Variants in PPP4R3A observed in about 807,000 individuals in gnomAD.
PPP4R3A encodes the protein protein phosphatase 4 regulatory subunit 3A, also known as serine/threonine-protein phosphatase 4 regulatory subunit 3A.
Under a neutral mutation model 91.7 loss-of-function variants are expected in PPP4R3A, and 15 were observed. The ratio of observed to expected loss-of-function variants is 0.16; its 90% CI spans 0.11 to 0.25. The LOEUF is 0.25. PPP4R3A is among the 10% of genes least tolerant of loss of function. The pLI is 1.00. For missense variants in PPP4R3A, 623 were observed against 998.4 expected (o/e 0.62, Z 5.07); for synonymous variants, 377 against 348.7 (o/e 1.08, Z -0.91).
chr14:91,464,983 G>A (rs1345747701), intron 11 of PPP4R3A, among the ~76,000 whole-genome samples: 1 of 152,188 alleles, frequency 6.6e-6, no homozygotes, highest in East Asian at 1.9e-4. Context: ...CTGCTTGCCA[G>A]CAGCTTACCT....
At position 91,510,052 on chromosome 14, in the gene PPP4R3A, C is replaced by T; in HGVS notation, c.-405G>A. 4.5e-6 allele frequency: 3 copies of T among 672,580 alleles called. No individual in the cohort carries two copies. Among genetic ancestry groups the T allele is most frequent in the Non-Finnish European group, 5.5e-6 (3 of 541,474 alleles). 41.7% of individuals were successfully genotyped at this position (672,580 alleles called of 1,614,324 possible). Reference sequence around the variant, plus strand: ...CGCCTCCTCAGGCCGCCGCCGCCGCCGCCATATTTTCCTTCCTTATACCTG... The same window carrying T: ...CGCCTCCTCAGGCCGCCGCCGCCGCTGCCATATTTTCCTTCCTTATACCTG... On this transcript the variant is annotated 5_prime_UTR_variant, in exon 1 of 15. Coordinates refer to ENST00000554943, the MANE Select transcript of PPP4R3A (RefSeq NM_001366432.2).
chr14:91,492,006 TA>T (rs1437256972), intron 1 of PPP4R3A, among the ~76,000 whole-genome samples: 1 of 152,196 alleles, frequency 6.6e-6, no homozygotes, highest in East Asian at 1.9e-4. Flanking sequence ...ACCCAGCCAA[TA>T]AATGTTTTAT....
intron 10 of PPP4R3A, among the ~76,000 whole-genome samples, chr14:91,467,773 TAATA>T (rs1201831756): frequency 6.6e-6 from 1 of 152,204 alleles, no homozygotes; most frequent in East Asian, 1.9e-4. Flanking sequence ...TGACAAAGTA[TAATA>T]ATTAAGCAGC....
intron 10 of PPP4R3A, among the ~76,000 whole-genome samples, chr14:91,468,579 G>C (rs1888622156): frequency 7.2e-6 from 1 of 139,440 alleles, no homozygotes; most frequent in African/African-American, 2.7e-5. Context: ...TGAGGCAGGA[G>C]AATTGCTTGA....
chr14:91,466,344 C>G (rs1233808494), intron 10 of PPP4R3A: 1 of 985,614 alleles, frequency 1.0e-6, no homozygotes, highest in Non-Finnish European at 1.2e-6. Flanking sequence ...GGAAGTGGCT[C>G]GTTAAATTGC....
intron 1 of PPP4R3A, among the ~76,000 whole-genome samples, chr14:91,506,975 A>G (rs1891331531): frequency 6.6e-6 from 1 of 152,108 alleles, no homozygotes; most frequent in Admixed American, 6.6e-5. Context: ...TTAACCTCCA[A>G]CCTGCAAAAT....
chr14:91,484,175 A>T (rs890185154), intron 3 of PPP4R3A, among the ~76,000 whole-genome samples: 2 of 152,238 alleles, frequency 1.3e-5, no homozygotes, highest in Non-Finnish European at 2.9e-5. Context: ...TCAGATATAA[A>T]TGTTAGTCCT....
chr14:91,476,712 C>T (rs1389649801), intron 5 of PPP4R3A, among the ~76,000 whole-genome samples, 188 bp from the exon 6 acceptor site: 4 of 152,136 alleles, frequency 2.6e-5, no homozygotes, highest in Non-Finnish European at 5.9e-5. Flanking sequence ...ATTACAGGTG[C>T]CCGCCACCAT....
In PPP4R3A at chr14:91,509,962, C is replaced by A; in HGVS notation, c.-315G>T. 2 of 1,013,120 alleles carry A rather than the reference C, an allele frequency of 2.0e-6. No homozygotes were observed. Among genetic ancestry groups the A allele is most frequent in the Non-Finnish European group, 2.4e-6 (2 of 847,942 alleles). 62.8% of individuals were successfully genotyped at this position (1,013,120 alleles called of 1,614,324 possible). On this transcript the variant is annotated 5_prime_UTR_variant, in exon 1 of 15. Transcript: ENST00000554943. ...GCCCCGCAGCGCTAGGAACTCGGGG[C>A]TCCCGTCACTGCCCTGCTCCCGCCT...
intron 12 of PPP4R3A, 33 bp from the exon 13 acceptor site, chr14:91,462,272 A>G: frequency 6.6e-7 from 1 of 1,505,632 alleles, no homozygotes; most frequent in Non-Finnish European, 8.8e-7. Context: ...AAATACAATC[A>G]TATATGGACT....
At chr14:91,500,859 C>G (rs907115791) in intron 1 of PPP4R3A, among the ~76,000 whole-genome samples, 1 of 152,094 alleles carries the variant, frequency 6.6e-6, no homozygotes, top group Non-Finnish European at 1.5e-5. Flanking sequence ...ATGGCAAACC[C>G]TGTCTCTACA....
chr14:91,509,906 G>C lies in PPP4R3A; in HGVS notation c.-259C>G, dbSNP rs906814061. The C allele has an allele frequency of 4.7e-6, 5 of 1,065,676 alleles. No individual in the cohort carries two copies. The highest frequency in any genetic ancestry group is 1.4e-4 in the East Asian group (2 of 14,784). The allele number at this position is 1,065,676 out of a possible 1,614,324, so 66.0% of individuals were successfully genotyped here. A position where few individuals can be genotyped will look rare whatever the true frequency, so the allele number is the denominator to read the frequency against. The stretch of plus-strand genomic sequence containing the variant: ...GGCGAGCCCGGCGCCCGGCAGCCCC[G>C]AGGGGGCCGCGCAGCGCTTCGTAGC... On this transcript the variant is annotated 5_prime_UTR_variant, in exon 1 of 15. Transcript: ENST00000554943.
chr14:91,504,138 A>C (rs571150673), intron 1 of PPP4R3A, among the ~76,000 whole-genome samples: 35 of 151,296 alleles, frequency 2.3e-4, no homozygotes, highest in Non-Finnish European at 4.7e-4. Context: ...GCGACAAAGT[A>C]AGACCCACCC....
intron 4 of PPP4R3A, among the ~76,000 whole-genome samples, chr14:91,481,163 C>T (rs1239445233): frequency 1.3e-5 from 2 of 152,132 alleles, no homozygotes; most frequent in African/African-American, 2.4e-5. Flanking sequence ...CAAACTCCAT[C>T]TCTACAAAAA....
rs148283026 is a variant in PPP4R3A at position 91,490,708 on chromosome 14, G to C, written c.198+39C>G. The C allele has an allele frequency of 4.3e-4, 670 of 1,541,430 alleles. No individual in the cohort carries two copies. In the African/African-American group the frequency reaches 8.6e-3, roughly 20 times the overall value. ...ATAATAAACTTTCATTTACTCAAAA[G>C]GAAAATATGCAAGATAAAACACATC... On this transcript the variant is annotated intron_variant, in intron 2 of 14. Coordinates refer to ENST00000554943, the MANE Select transcript of PPP4R3A (RefSeq NM_001366432.2).
At chr14:91,495,213 A>C (rs974701966) in intron 1 of PPP4R3A, among the ~76,000 whole-genome samples, 1 of 152,206 alleles carries the variant, frequency 6.6e-6, no homozygotes, top group African/African-American at 2.4e-5. Flanking sequence ...CAGAGTAATG[A>C]AAACCTAACA....
At chr14:91,486,780 TG>T (rs1156794594) in intron 2 of PPP4R3A, among the ~76,000 whole-genome samples, 1 of 151,398 alleles carries the variant, frequency 6.6e-6, no homozygotes, top group Non-Finnish European at 1.5e-5. Flanking sequence ...GGCATGTGCC[TG>T]TAATCCCAGC....
intron 3 of PPP4R3A, among the ~76,000 whole-genome samples, chr14:91,482,926 C>CA (rs1889659213): frequency 6.6e-6 from 1 of 151,956 alleles, no homozygotes; most frequent in Admixed American, 6.6e-5. Flanking sequence ...GAGTTATTCC[C>CA]AAAAAAGGTC....
At chr14:91,493,283 A>G (rs751133143) in intron 1 of PPP4R3A, among the ~76,000 whole-genome samples, 5 of 148,966 alleles carry the variant, frequency 3.4e-5, no homozygotes, top group Admixed American at 6.6e-5. Context: ...CATCACTGCA[A>G]TCCAGCCTGG....
Sources: allele counts gnomAD v4.1 joint callset (sites outside exome capture counted in the v4.1 genomes callset), GRCh38; gene constraint gnomAD v4.1.1; transcripts MANE v1.5; gene names NCBI Gene and HGNC (gene_info 2026-07-23, HGNC 2026-07-21).